Variants in FMN1 observed in about 807,000 individuals in gnomAD.
The protein encoded by FMN1 is formin-1.
In FMN1, 110 loss-of-function variants were observed where a neutral mutation model predicts 132.4. That is an observed-to-expected ratio of 0.83 (90% CI 0.71 to 0.97). The LOEUF (loss-of-function observed/expected upper bound fraction) is 0.97, where lower values mean the gene tolerates loss of function less well. FMN1 is among the 50% of genes least tolerant of loss of function. FMN1 has a pLI of 0.00. For synonymous variants in FMN1, 722 were observed against 651.7 expected (o/e 1.11, Z -1.64); for missense variants, 1,792 against 1,705.3 (o/e 1.05, Z -0.90).
At chr15:33,003,509 A>G (rs1159378794) in intron 7 of FMN1, among the ~76,000 whole-genome samples, 2 of 152,240 alleles carry the variant, frequency 1.3e-5, no homozygotes, top group Admixed American at 6.5e-5. Context: ...GGACCTCTTC[A>G]AGGAGAACTA....
chr15:33,113,179 T>C (rs1462752765), intron 4 of FMN1, among the ~76,000 whole-genome samples: 1 of 152,194 alleles, frequency 6.6e-6, no homozygotes, highest in African/African-American at 2.4e-5. Flanking sequence ...GCTTGACCTG[T>C]GTACTGTGTG....
intron 6 of FMN1, among the ~76,000 whole-genome samples, chr15:33,027,494 A>T (rs2035735313): frequency 2.0e-5 from 3 of 152,190 alleles, no homozygotes; most frequent in Admixed American, 2.0e-4. Flanking sequence ...ATTGGGGACT[A>T]CATTTGCACA....
In FMN1 at chr15:32,796,527, C is replaced by T. The variant is rs116381972; in HGVS notation, c.4130+2277G>A. ...ATGTTTAGTGTTGTTGGGATATATT[C>T]GGTTTCTGGGGAAAGTATAATTGAA... On this transcript the variant is annotated intron_variant, in intron 19 of 20. Coordinates refer to ENST00000616417, the MANE Select transcript of FMN1 (RefSeq NM_001277313.2). Among the ~76,000 whole-genome samples, 1,329 of 152,126 alleles carry T rather than the reference C, an allele frequency of 8.7e-3. 20 individuals are homozygous for T. The highest frequency in any genetic ancestry group is 0.03 in the African/African-American group (1,261 of 41,492).
chr15:32,801,610 AAAACAAAAAAACAAAAAC>A (rs1465112060), intron 18 of FMN1, among the ~76,000 whole-genome samples: 3 of 150,772 alleles, frequency 2.0e-5, no homozygotes, highest in African/African-American at 7.5e-5. Flanking sequence ...ACTAAAAACA[AAAACAAAAAAACAAAAAC>A]AAACAAACAA....
At position 32,883,509 on chromosome 15, in the gene FMN1, CAAAAAAAAAAAAA is replaced by C. The variant is rs60737133; in HGVS notation, c.3835+4650_3835+4662del. Among the ~76,000 whole-genome samples, 61 of 25,924 alleles carry C rather than the reference CAAAAAAAAAAAAA, an allele frequency of 2.4e-3. 1 individual carries two copies. The highest frequency in any genetic ancestry group is 4.7e-3 in the African/African-American group (35 of 7,498). The allele number at this position is 25,924 out of a possible 152,430, so 17.0% of individuals were successfully genotyped here. A position where few individuals can be genotyped will look rare whatever the true frequency, so the allele number is the denominator to read the frequency against. ...TGGGCAATAGAGCAAGAACCTATCT[CAAAAAAAAAAAAA>C]AAAAAAAAAAAAAAAAAAAAGAATG... On this transcript the variant is annotated intron_variant, in intron 16 of 20. Coordinates refer to ENST00000616417, the MANE Select transcript of FMN1 (RefSeq NM_001277313.2).
intron 16 of FMN1, among the ~76,000 whole-genome samples, chr15:32,857,812 C>G (rs768853034): frequency 1.3e-5 from 2 of 152,180 alleles, no homozygotes; most frequent in Admixed American, 1.3e-4. Context: ...TGGATAGTTA[C>G]GATTTGTCTA....
chr15:32,803,067 G>C lies in FMN1; in HGVS notation c.3980+1214C>G, dbSNP rs567103902. 7.7e-4 allele frequency among the ~76,000 whole-genome samples: 117 copies of C among 152,288 alleles called. 1 individual carries two copies. In the South Asian group the frequency reaches 0.021, roughly 28 times the overall value. On this transcript the variant is annotated intron_variant, in intron 18 of 20. Transcript: ENST00000616417. ...CAAGATGTTGGCACCTGTGAAAGCA[G>C]GGCAGATGGCACCGTCTATGGGATT...
At chr15:32,970,520 G>C (rs961800702) in intron 7 of FMN1, among the ~76,000 whole-genome samples, 3 of 152,156 alleles carry the variant, frequency 2.0e-5, no homozygotes, top group African/African-American at 7.2e-5. Flanking sequence ...CACTGGGATA[G>C]TTATATTCAC....
intron 3 of FMN1, among the ~76,000 whole-genome samples, chr15:33,165,876 C>T (rs1965087374): frequency 6.6e-6 from 1 of 152,144 alleles, no homozygotes; most frequent in African/African-American, 2.4e-5. Flanking sequence ...TGCCATCTCT[C>T]CCACTTCCCT....
intron 4 of FMN1, among the ~76,000 whole-genome samples, chr15:33,125,042 A>C (rs1016156744): frequency 1.3e-5 from 2 of 152,160 alleles, no homozygotes; most frequent in Non-Finnish European, 2.9e-5. Flanking sequence ...CTATCATGGA[A>C]TGCTTAAACA....
At chr15:32,966,313 G>A (rs2031220570) in intron 8 of FMN1, among the ~76,000 whole-genome samples, 1 of 152,114 alleles carries the variant, frequency 6.6e-6, no homozygotes, top group Admixed American at 6.5e-5. Context: ...ATTTCTATGG[G>A]AAAGGTATTT....
intron 17 of FMN1, among the ~76,000 whole-genome samples, chr15:32,835,849 C>A (rs1454611793): frequency 1.3e-5 from 2 of 151,976 alleles, no homozygotes; most frequent in Non-Finnish European, 2.9e-5. Flanking sequence ...TCTTCTTTTT[C>A]TGTTTTTATT....
intron 4 of FMN1, among the ~76,000 whole-genome samples, chr15:33,098,201 G>C (rs544454449): frequency 6.6e-6 from 1 of 152,154 alleles, no homozygotes; most frequent in Non-Finnish European, 1.5e-5. Flanking sequence ...TTGGAACACA[G>C]CTAATTCAAT....
chr15:33,084,294 G>GT (rs1266459159), intron 5 of FMN1, among the ~76,000 whole-genome samples: 1 of 152,174 alleles, frequency 6.6e-6, no homozygotes, highest in Non-Finnish European at 1.5e-5. Flanking sequence ...TCTGGTAACA[G>GT]TAATAGTCAG....
At chr15:32,847,246 G>A (rs1259575948) in intron 17 of FMN1, among the ~76,000 whole-genome samples, 3 of 152,040 alleles carry the variant, frequency 2.0e-5, no homozygotes, top group African/African-American at 7.2e-5. Context: ...CAAATAAACT[G>A]GTTCCATAAC....
At chr15:32,960,740 A>G (rs2030417015) in intron 9 of FMN1, among the ~76,000 whole-genome samples, 2 of 152,110 alleles carry the variant, frequency 1.3e-5, no homozygotes, top group Non-Finnish European at 2.9e-5. Flanking sequence ...TCACGCCTGT[A>G]ATCCCAGCAT....
At position 33,119,341 on chromosome 15, in the gene FMN1, G is replaced by C. The variant is rs527872939; in HGVS notation, c.1868-30367C>G. On this transcript the variant is annotated intron_variant, in intron 4 of 20. Transcript: ENST00000616417. ...ATATCTTGGGCTACAGTGGTAGCAG[G>C]CACCCATGGTGCCAAAGGGTGGGGA... Among the ~76,000 whole-genome samples, 8 of 152,272 alleles carry C rather than the reference G, an allele frequency of 5.3e-5. No individual in the cohort carries two copies. In the South Asian group the frequency reaches 1.7e-3, roughly 32 times the overall value.
intron 10 of FMN1, among the ~76,000 whole-genome samples, chr15:32,914,847 A>C (rs978642231): frequency 1.3e-5 from 2 of 152,182 alleles, no homozygotes; most frequent in African/African-American, 4.8e-5. Flanking sequence ...CAGGCAGAGG[A>C]GTCTAAGAGG....
At position 32,883,117 on chromosome 15, in the gene FMN1, C is replaced by T. The variant is rs539865433; in HGVS notation, c.3835+5055G>A. ...CAACCAGTTCTTAGCATTCCTCCCTCCTACTCATAGTCAACTCTTGATCAA... is the reference window on the plus strand; with the variant it reads ...CAACCAGTTCTTAGCATTCCTCCCTTCTACTCATAGTCAACTCTTGATCAA... On this transcript the variant is annotated intron_variant, in intron 16 of 20. Coordinates refer to ENST00000616417, the MANE Select transcript of FMN1 (RefSeq NM_001277313.2). 6.6e-5 allele frequency among the ~76,000 whole-genome samples: 10 copies of T among 152,312 alleles called. No individual in the cohort carries two copies. In the South Asian group the frequency reaches 2.1e-3, roughly 32 times the overall value.
Sources: gnomAD v4.1 joint callset for allele counts (sites outside exome capture counted in the v4.1 genomes callset) on GRCh38, gnomAD v4.1.1 for gene constraint, MANE v1.5 for transcripts, NCBI Gene and HGNC (gene_info 2026-07-23, HGNC 2026-07-21) for gene names.